The following MPPED2 variants were observed in gnomAD, a reference collection of about 807,000 sequenced individuals.
MPPED2 encodes the protein metallophosphoesterase MPPED2.
In MPPED2, 5 loss-of-function variants were observed where a neutral mutation model predicts 33.0. The ratio of observed to expected loss-of-function variants is 0.15; its 90% CI spans 0.08 to 0.32. MPPED2 has a LOEUF of 0.32. MPPED2 is among the 10% of genes least tolerant of loss of function. The pLI is 1.00. For missense variants in MPPED2, 275 were observed against 372.1 expected, an observed-to-expected ratio of 0.74 and a Z score of 2.15; for synonymous variants, 136 against 141.9, an observed-to-expected ratio of 0.96 and a Z score of 0.29.
At chr11:30,420,294 A>G (rs1272090726) in intron 4 of MPPED2, among the ~76,000 whole-genome samples, 1 of 152,204 alleles carries the variant, frequency 6.6e-6, no homozygotes, top group African/African-American at 2.4e-5. Context: ...CAGAAGAAGG[A>G]GACTAGGAGG....
chr11:30,545,875 T>A (rs35695296), intron 2 of MPPED2, among the ~76,000 whole-genome samples: 25,337 of 146,448 alleles, frequency 0.17, 2,564 homozygotes, highest in Middle Eastern at 0.23. Context: ...ATATATATAT[T>A]TTTTTTAGAC....
At chr11:30,558,177 T>G (rs1004343054) in intron 2 of MPPED2, among the ~76,000 whole-genome samples, 1 of 152,146 alleles carries the variant, frequency 6.6e-6, no homozygotes, top group Non-Finnish European at 1.5e-5. Context: ...TTTATTATTA[T>G]TATTTTACCT....
intron 1 of MPPED2, among the ~76,000 whole-genome samples, chr11:30,581,645 A>G (rs746948000): frequency 6.6e-6 from 1 of 152,238 alleles, no homozygotes; most frequent in Non-Finnish European, 1.5e-5. Context: ...AATTGGCATG[A>G]AACACCTTAA....
At chr11:30,441,323 G>C (rs1949563229) in intron 4 of MPPED2, 1 of 152,192 alleles carries the variant, frequency 6.6e-6, no homozygotes, top group Admixed American at 6.5e-5. Context: ...CTGAGAAAAG[G>C]TTTAAGTAGC....
intron 2 of MPPED2, among the ~76,000 whole-genome samples, chr11:30,579,135 C>A (rs1957054302): frequency 6.7e-6 from 1 of 149,894 alleles, no homozygotes; most frequent in Non-Finnish European, 1.5e-5. Context: ...CACTAATATC[C>A]AGGCAGTCAA....
chr11:30,415,585 T>G (rs895889050), intron 5 of MPPED2, among the ~76,000 whole-genome samples: 1 of 152,190 alleles, frequency 6.6e-6, no homozygotes, highest in African/African-American at 2.4e-5. Context: ...CTATATTAAC[T>G]AAGGTTTAAC....
chr11:30,413,504 G>A (rs567056), intron 6 of MPPED2, among the ~76,000 whole-genome samples: 7 of 152,010 alleles, frequency 4.6e-5, no homozygotes, highest in Non-Finnish European at 7.4e-5. Flanking sequence ...ATCCCTTGAA[G>A]ATTCCTGTTA....
At chr11:30,549,941 G>T (rs1955619368) in intron 2 of MPPED2, among the ~76,000 whole-genome samples, 1 of 152,094 alleles carries the variant, frequency 6.6e-6, no homozygotes, top group South Asian at 2.1e-4. Flanking sequence ...GTGGCCAAGG[G>T]GGCATGTTAA....
chr11:30,426,541 G>A (rs555390424), intron 4 of MPPED2, among the ~76,000 whole-genome samples: 2 of 152,276 alleles, frequency 1.3e-5, no homozygotes, highest in South Asian at 4.1e-4. Context: ...GCTCAGTAAG[G>A]TACCTCCCAG....
chr11:30,511,864 G>A lies in MPPED2; in HGVS notation c.311-16343C>T, dbSNP rs376447317. Among the ~76,000 whole-genome samples the A allele has an allele frequency of 8.9e-4, 136 of 152,256 alleles. 1 individual carries two copies. The highest frequency in any genetic ancestry group is 3.0e-3 in the African/African-American group (123 of 41,554). ...TGGTCTAATGTTGAAGCAACTTTGC[G>A]GAGATTAAAATGCAATCCATTAGCA... On this transcript the variant is annotated intron_variant, in intron 3 of 6. Transcript: ENST00000358117.
At position 30,452,538 on chromosome 11, in the gene MPPED2, G is replaced by C. The variant is rs375824105; in HGVS notation, c.537-34905C>G. Among the ~76,000 whole-genome samples the C allele has an allele frequency of 1.3e-3, 201 of 152,342 alleles. 7 individuals are homozygous for C. In the South Asian group the frequency reaches 0.041, roughly 31 times the overall value. ...GCATCAAAATCACTGCAGTGTTTGT[G>C]AGAAATGAAGATTTTGGGGTCCAAC... On this transcript the variant is annotated intron_variant, in intron 4 of 6. Transcript: ENST00000358117.
intron 4 of MPPED2, among the ~76,000 whole-genome samples, chr11:30,477,590 C>T (rs981568599): frequency 3.3e-5 from 5 of 151,688 alleles, no homozygotes; most frequent in African/African-American, 1.2e-4. Flanking sequence ...ATTAACCTTT[C>T]TATATGTTGT....
intron 3 of MPPED2, among the ~76,000 whole-genome samples, chr11:30,530,282 G>C (rs1200683899): frequency 6.6e-6 from 1 of 152,142 alleles, no homozygotes; most frequent in Non-Finnish European, 1.5e-5. Flanking sequence ...TTAAAGTTTG[G>C]CCAAAAGCGG....
At chr11:30,394,056 A>G (rs895929588) in intron 6 of MPPED2, among the ~76,000 whole-genome samples, 2 of 152,208 alleles carry the variant, frequency 1.3e-5, no homozygotes, top group Non-Finnish European at 2.9e-5. Flanking sequence ...TCTTTCACTC[A>G]GCATAATGTC....
At chr11:30,575,448 A>G (rs1956888687) in intron 2 of MPPED2, among the ~76,000 whole-genome samples, 1 of 152,180 alleles carries the variant, frequency 6.6e-6, no homozygotes, top group South Asian at 2.1e-4. Flanking sequence ...ATGAGAAGAC[A>G]GGTTCAACAA....
chr11:30,404,242 A>C (rs996356903), intron 6 of MPPED2, among the ~76,000 whole-genome samples: 3 of 152,212 alleles, frequency 2.0e-5, no homozygotes, highest in African/African-American at 4.8e-5. Flanking sequence ...CCAGAGAGCT[A>C]TTTTGGATTC....
At chr11:30,522,294 T>C (rs984992932) in intron 3 of MPPED2, among the ~76,000 whole-genome samples, 2 of 152,032 alleles carry the variant, frequency 1.3e-5, no homozygotes, top group Non-Finnish European at 2.9e-5. Context: ...CTCATGTAAA[T>C]GAATATCCAT....
intron 6 of MPPED2, among the ~76,000 whole-genome samples, chr11:30,390,329 T>C (rs1262840051): frequency 6.6e-6 from 1 of 152,230 alleles, no homozygotes. Flanking sequence ...TCTTGAAATG[T>C]CAAATGTGTT....
At chr11:30,477,351 A>C (rs1280594779) in intron 4 of MPPED2, among the ~76,000 whole-genome samples, 1 of 152,108 alleles carries the variant, frequency 6.6e-6, no homozygotes, top group African/African-American at 2.4e-5. Flanking sequence ...TTGTGATGTT[A>C]AGTGTAGGAC....
Sources: allele counts gnomAD v4.1 joint callset (sites outside exome capture counted in the v4.1 genomes callset), GRCh38; gene constraint gnomAD v4.1.1; transcripts MANE v1.5; gene names NCBI Gene and HGNC (gene_info 2026-07-23, HGNC 2026-07-21).